Variants in LINGO2 observed in about 807,000 individuals in gnomAD.
LINGO2 encodes the protein leucine rich repeat and Ig domain containing 2, also known as leucine-rich repeat and immunoglobulin-like domain-containing nogo receptor-interacting protein 2.
In LINGO2, 14 loss-of-function variants were observed where a neutral mutation model predicts 30.6. The ratio of observed to expected loss-of-function variants is 0.46; its 90% CI spans 0.30 to 0.72. LINGO2 has a LOEUF of 0.72. Ranked by LOEUF, LINGO2 falls within the 30% of genes least tolerant of loss-of-function variation. The pLI, the probability that LINGO2 is intolerant of heterozygous loss-of-function variation, is 0.07. For missense variants in LINGO2, 729 were observed against 751.7 expected (o/e 0.97, Z 0.35); for synonymous variants, 317 against 288.5 (o/e 1.10, Z -1.00).
chr9:28,434,769 T>C (rs1453064241), intron 2 of LINGO2, among the ~76,000 whole-genome samples: 1 of 152,192 alleles, frequency 6.6e-6, no homozygotes, highest in Non-Finnish European at 1.5e-5. Flanking sequence ...GGACTCACTT[T>C]TATTTTATTC....
chr9:28,504,009 T>C (rs928389444), intron 1 of LINGO2, among the ~76,000 whole-genome samples: 1 of 151,922 alleles, frequency 6.6e-6, no homozygotes, highest in African/African-American at 2.4e-5. Context: ...GCCTATCATG[T>C]GAAGAACAGA....
At chr9:28,240,523 T>G (rs1202705216) in intron 4 of LINGO2, among the ~76,000 whole-genome samples, 1 of 152,094 alleles carries the variant, frequency 6.6e-6, no homozygotes, top group Non-Finnish European at 1.5e-5. Context: ...GACAAATGTG[T>G]CAAGAACATA....
At chr9:29,052,280 T>A in the LINGO2 span, among the ~76,000 whole-genome samples, 1 of 152,146 alleles carries the variant, frequency 6.6e-6, no homozygotes, top group African/African-American at 2.4e-5. Context: ...AGACCAATAA[T>A]TACTGGAAAT....
chr9:29,048,556 C>T, the LINGO2 span, among the ~76,000 whole-genome samples: 1 of 152,036 alleles, frequency 6.6e-6, no homozygotes, highest in African/African-American at 2.4e-5. Flanking sequence ...AATCATAATA[C>T]CTGGCTTCAA....
At chr9:28,727,831 CATAG>C in the LINGO2 span, among the ~76,000 whole-genome samples, 3 of 152,048 alleles carry the variant, frequency 2.0e-5, no homozygotes, top group Admixed American at 1.3e-4. Flanking sequence ...GAAGGAGAAA[CATAG>C]ATAGAGAGAG....
the LINGO2 span, among the ~76,000 whole-genome samples, chr9:29,112,765 T>C: frequency 6.6e-6 from 1 of 152,186 alleles, no homozygotes; most frequent in Non-Finnish European, 1.5e-5. Flanking sequence ...CTCTCCATGA[T>C]AAATATCAAA....
At chr9:28,391,520 C>A (rs10968555) in intron 2 of LINGO2, among the ~76,000 whole-genome samples, 9,812 of 152,096 alleles carry the variant, frequency 0.065, 439 homozygotes, top group East Asian at 0.18. Context: ...TTACCAAGGC[C>A]TTCCCTGTCT....
intron 1 of LINGO2, among the ~76,000 whole-genome samples, chr9:28,565,126 T>A (rs1823299486): frequency 6.6e-6 from 1 of 152,174 alleles, no homozygotes; most frequent in South Asian, 2.1e-4. Context: ...CCAACACTTC[T>A]GAAATTTTTT....
rs1587711800 is a variant in LINGO2 at position 28,023,961 on chromosome 9, G to A, written c.-86-11556C>T. 3.9e-5 allele frequency among the ~76,000 whole-genome samples: 6 copies of A among 152,232 alleles called. No homozygotes were observed. In the South Asian group the frequency reaches 6.2e-4, roughly 16 times the overall value. The stretch of plus-strand genomic sequence containing the variant: ...TCCAGTAGCATCTGTCCAGGGAAGC[G>A]AATTTCATTTTTGCGTCTCTGGATT... On this transcript the variant is annotated intron_variant, in intron 4 of 5. Coordinates refer to ENST00000379992, the Ensembl canonical transcript of LINGO2.
chr9:28,821,505 A>T, the LINGO2 span, among the ~76,000 whole-genome samples: 3 of 152,224 alleles, frequency 2.0e-5, no homozygotes, highest in Non-Finnish European at 4.4e-5. Context: ...TGAGCAAGTG[A>T]TAACCTCAGC....
chr9:28,787,106 G>A, the LINGO2 span, among the ~76,000 whole-genome samples: 13 of 152,262 alleles, frequency 8.5e-5, 1 homozygote, highest in South Asian at 1.7e-3. Flanking sequence ...GCTTAGAATA[G>A]TTGTAATAAT....
At chr9:28,897,411 T>C in the LINGO2 span, among the ~76,000 whole-genome samples, 3 of 152,260 alleles carry the variant, frequency 2.0e-5, no homozygotes, top group East Asian at 5.8e-4. Flanking sequence ...GCTGGTACCA[T>C]ATGATGTATT....
chr9:29,091,873 G>C, the LINGO2 span, among the ~76,000 whole-genome samples: 4 of 152,050 alleles, frequency 2.6e-5, no homozygotes, highest in African/African-American at 9.6e-5. Flanking sequence ...TAATATTTTT[G>C]TTTTAGATTT....
chr9:29,071,121 T>C, the LINGO2 span, among the ~76,000 whole-genome samples: 2 of 150,344 alleles, frequency 1.3e-5, no homozygotes, highest in East Asian at 3.9e-4. Context: ...TAAATATGTA[T>C]GATATGCACA....
chr9:28,222,823 A>G (rs1323599021), intron 4 of LINGO2, among the ~76,000 whole-genome samples: 1 of 152,176 alleles, frequency 6.6e-6, no homozygotes, highest in Non-Finnish European at 1.5e-5. Flanking sequence ...AAGTTTCCAA[A>G]ATCAAGATAT....
At chr9:28,737,303 A>T in the LINGO2 span, among the ~76,000 whole-genome samples, 1 of 152,198 alleles carries the variant, frequency 6.6e-6, no homozygotes, top group African/African-American at 2.4e-5. Flanking sequence ...TGAAGCTGTC[A>T]AATGACAGAA....
At chr9:28,485,548 G>C (rs1391506872) in intron 1 of LINGO2, among the ~76,000 whole-genome samples, 2 of 152,092 alleles carry the variant, frequency 1.3e-5, no homozygotes, top group Non-Finnish European at 2.9e-5. Flanking sequence ...CCTCATGAAG[G>C]ATATATAAGG....
chr9:28,344,972 T>C (rs558400419), intron 3 of LINGO2, among the ~76,000 whole-genome samples: 32 of 152,294 alleles, frequency 2.1e-4, no homozygotes, highest in African/African-American at 7.0e-4. Context: ...AGACATTCTG[T>C]TGGATACTGT....
At chr9:28,862,221 G>T in the LINGO2 span, among the ~76,000 whole-genome samples, 2 of 152,008 alleles carry the variant, frequency 1.3e-5, no homozygotes, top group Non-Finnish European at 2.9e-5. Context: ...TGTGGATTTT[G>T]CTTATGAACA....
Sources: gnomAD v4.1 joint callset for allele counts (sites outside exome capture counted in the v4.1 genomes callset) on GRCh38, gnomAD v4.1.1 for gene constraint, MANE v1.5 for transcripts, NCBI Gene and HGNC (gene_info 2026-07-23, HGNC 2026-07-21) for gene names.